MTM1: variants seen among roughly 807,000 people sequenced by gnomAD.
MTM1 encodes the protein myotubularin.
Under a neutral mutation model 52.1 loss-of-function variants are expected in MTM1, and 9 were observed. The observed-to-expected ratio is 0.17, with a 90% CI of 0.10 to 0.30. The LOEUF is 0.30. Among genes scored for constraint, MTM1 ranks in the 10% least tolerant of loss-of-function variants. MTM1 has a pLI of 1.00. For missense variants in MTM1, 277 were observed against 470.7 expected, an observed-to-expected ratio of 0.59 and a Z score of 3.81; for synonymous variants, 136 against 163.8, an observed-to-expected ratio of 0.83 and a Z score of 1.29.
chrX:150,626,406 C>T (rs1397669807), intron 6 of MTM1, among the ~76,000 whole-genome samples: 1 of 111,188 alleles, frequency 9.0e-6, no homozygotes, highest in Non-Finnish European at 1.9e-5. Context: ...CTTCGCCTCC[C>T]CAGTTGAAGC....
intron 10 of MTM1, among the ~76,000 whole-genome samples, chrX:150,654,124 C>A (rs181954175): frequency 1.8e-5 from 2 of 112,244 alleles, no homozygotes; most frequent in African/African-American, 6.5e-5. Context: ...ACAAGTCCAT[C>A]AGATTATTTA....
chrX:150,637,632 G>A (rs939363742), intron 6 of MTM1, among the ~76,000 whole-genome samples: 5 of 112,174 alleles, frequency 4.5e-5, no homozygotes, highest in Non-Finnish European at 5.6e-5. Flanking sequence ...TGTTGTGAGG[G>A]TAACATGTTT....
chrX:150,573,508 G>A (rs2038415259), intron 1 of MTM1, among the ~76,000 whole-genome samples: 1 of 112,607 alleles, frequency 8.9e-6, no homozygotes, highest in Non-Finnish European at 1.9e-5. Flanking sequence ...TTTAGCATGT[G>A]ATAATTGTTA....
chrX:150,586,437 CT>C (rs35549763), intron 1 of MTM1, among the ~76,000 whole-genome samples: 1 of 110,971 alleles, frequency 9.0e-6, no homozygotes, highest in South Asian at 3.7e-4. Flanking sequence ...CAAGTGTTTT[CT>C]TTTTTTAATG....
rs1335028268 is a variant in MTM1 at position 150,666,429 on chromosome X, A to G, written c.1644+2820A>G. Among the ~76,000 whole-genome samples, 24 of 112,656 alleles carry G rather than the reference A, an allele frequency of 2.1e-4. No homozygotes were observed. In the Admixed American group the frequency reaches 2.2e-3, roughly 11 times the overall value. On this transcript the variant is annotated intron_variant, in intron 14 of 14. Transcript: ENST00000370396. ...TACAGTCATGCCATCTGCAAAAATTACTGTTACCCGATTTCTTTTTCTTAT... is the reference window on the plus strand; with the variant it reads ...TACAGTCATGCCATCTGCAAAAATTGCTGTTACCCGATTTCTTTTTCTTAT...
intron 8 of MTM1, among the ~76,000 whole-genome samples, chrX:150,643,046 A>G (rs1204676419): frequency 9.0e-6 from 1 of 111,669 alleles, no homozygotes; most frequent in Admixed American, 9.5e-5. Context: ...ATATTTATAG[A>G]TTTACTATTA....
chrX:150,610,494 G>A (rs2039257120), intron 4 of MTM1, among the ~76,000 whole-genome samples: 1 of 112,323 alleles, frequency 8.9e-6, no homozygotes, highest in Non-Finnish European at 1.9e-5. Flanking sequence ...TAGGTAGTTA[G>A]AAGTACAAGG....
At chrX:150,649,959 G>T (rs1166412372) in intron 10 of MTM1, 58 bp downstream of exon 10, 1 of 1,042,032 alleles carries the variant, frequency 9.6e-7, no homozygotes, top group East Asian at 3.1e-5. Flanking sequence ...TTGTTTAGTG[G>T]AATGGACATA....
chrX:150,646,378 G>A (rs1557413983), intron 9 of MTM1, among the ~76,000 whole-genome samples: 1 of 112,982 alleles, frequency 8.9e-6, no homozygotes, highest in Non-Finnish European at 1.9e-5. Flanking sequence ...TATACACAAA[G>A]TTGACCGTTT....
At chrX:150,621,670 C>T (rs1310971190) in intron 6 of MTM1, among the ~76,000 whole-genome samples, 1 of 111,543 alleles carries the variant, frequency 9.0e-6, no homozygotes, top group African/African-American at 3.3e-5. Flanking sequence ...CCATCTTCCA[C>T]ACACTTAGCC....
At chrX:150,583,592 TTATATATA>T (rs2038685412) in intron 1 of MTM1, among the ~76,000 whole-genome samples, 1 of 32,552 alleles carries the variant, frequency 3.1e-5, no homozygotes, top group Admixed American at 7.5e-4. Flanking sequence ...TATATATAAT[TTATATATA>T]ATATATAATT....
intron 4 of MTM1, among the ~76,000 whole-genome samples, chrX:150,600,090 A>G (rs188229445): frequency 9.0e-6 from 1 of 111,600 alleles, no homozygotes; most frequent in African/African-American, 3.2e-5. Flanking sequence ...GTTACAGCCT[A>G]TGGATTTCAG....
chrX:150,615,871 G>A (rs782221867), intron 5 of MTM1, among the ~76,000 whole-genome samples: 1 of 110,991 alleles, frequency 9.0e-6, no homozygotes, highest in Admixed American at 9.6e-5. Flanking sequence ...GTTTTAATTC[G>A]AGCTACCTTA....
chrX:150,575,943 C>G (rs980104037), intron 1 of MTM1, among the ~76,000 whole-genome samples: 5 of 111,189 alleles, frequency 4.5e-5, no homozygotes, highest in Admixed American at 9.6e-5. Flanking sequence ...TCCCAAAGTG[C>G]TTAGGATTAC....
rs139876940 is a variant in MTM1, at chrX:150,582,505, C to T, written c.-10-10100C>T. Among the ~76,000 whole-genome samples, 336 of 111,367 alleles carry T rather than the reference C, an allele frequency of 3.0e-3. 2 individuals are homozygous for T. Among genetic ancestry groups the T allele is most frequent in the African/African-American group, 0.01 (321 of 30,636 alleles). On this transcript the variant is annotated intron_variant, in intron 1 of 14. Transcript: ENST00000370396. Reference sequence around the variant, plus strand: ...AGTCCCTATTTCCTCAGACTGGGGTCTTGTTTGTTACTGCAGTTGTAGTTA... The same window carrying T: ...AGTCCCTATTTCCTCAGACTGGGGTTTTGTTTGTTACTGCAGTTGTAGTTA...
upstream of MTM1, among the ~76,000 whole-genome samples, chrX:150,565,933 A>T (rs1322606543): frequency 2.7e-5 from 3 of 109,500 alleles, no homozygotes; most frequent in Non-Finnish European, 5.7e-5. Flanking sequence ...ATCTTCTCAC[A>T]GGCCTCCTGC....
chrX:150,625,274 C>T (rs1391052533), intron 6 of MTM1, among the ~76,000 whole-genome samples: 1 of 111,905 alleles, frequency 8.9e-6, no homozygotes, highest in African/African-American at 3.3e-5. Flanking sequence ...AAAGTGCTTA[C>T]GACGCTGCCT....
intron 4 of MTM1, among the ~76,000 whole-genome samples, chrX:150,600,762 C>T (rs2039054478): frequency 8.9e-6 from 1 of 112,035 alleles, no homozygotes. Context: ...AGATTTTATG[C>T]TAATATATGT....
At chrX:150,600,169 TGCAATGCAGAGGA>T (rs2039045224) in intron 4 of MTM1, among the ~76,000 whole-genome samples, 1 of 111,364 alleles carries the variant, frequency 9.0e-6, no homozygotes, top group African/African-American at 3.3e-5. Context: ...GCATTTCTGA[TGCAATGCAGAGGA>T]GCACATAGAA....
Sources: allele counts gnomAD v4.1 joint callset (sites outside exome capture counted in the v4.1 genomes callset), GRCh38; gene constraint gnomAD v4.1.1; transcripts MANE v1.5; gene names NCBI Gene and HGNC (gene_info 2026-07-23, HGNC 2026-07-21).